SBF2: variants seen among roughly 807,000 people sequenced by gnomAD.
The protein encoded by SBF2 is SET binding factor 2.
Under a neutral mutation model 225.2 loss-of-function variants are expected in SBF2, and 112 were observed. The ratio of observed to expected loss-of-function variants is 0.50; its 90% CI spans 0.43 to 0.58. SBF2 has a LOEUF of 0.58. SBF2 is among the 20% of genes least tolerant of loss of function. The pLI is 0.00. For synonymous variants in SBF2, 763 were observed against 773.3 expected (o/e 0.99, Z 0.22); for missense variants, 1,996 against 2,206.2 (o/e 0.90, Z 1.91).
chr11:10,063,283 A>G lies in SBF2; in HGVS notation c.142-20302T>C, dbSNP rs148380215. Among the ~76,000 whole-genome samples the G allele has an allele frequency of 5.6e-3, 858 of 151,886 alleles. 3 individuals carry two copies. The highest frequency in any genetic ancestry group is 8.4e-3 in the Non-Finnish European group (568 of 67,952). ...ACAAACCCCCGACACATGTTTATCTATGTAACAAACCTTCACATGTACCCT... is the reference window on the plus strand; with the variant it reads ...ACAAACCCCCGACACATGTTTATCTGTGTAACAAACCTTCACATGTACCCT... On this transcript the variant is annotated intron_variant, in intron 2 of 39. Transcript: ENST00000256190.
chr11:9,906,906 C>T (rs536924947), intron 16 of SBF2, among the ~76,000 whole-genome samples: 7 of 152,254 alleles, frequency 4.6e-5, no homozygotes, highest in East Asian at 1.9e-4. Context: ...TCAATTACTT[C>T]GTACTTTTAA....
chr11:9,919,961 A>G (rs528112736), intron 16 of SBF2, among the ~76,000 whole-genome samples: 1 of 151,856 alleles, frequency 6.6e-6, no homozygotes, highest in African/African-American at 2.4e-5. Context: ...GGAACTCCTG[A>G]CCTCAGGTGA....
intron 17 of SBF2, among the ~76,000 whole-genome samples, chr11:9,868,616 A>G (rs1858448796): frequency 6.6e-6 from 1 of 152,230 alleles, no homozygotes; most frequent in African/African-American, 2.4e-5. Flanking sequence ...ATTAAGGTCA[A>G]ATAAGGTCTA....
chr11:10,292,538 G>T (rs899386991), intron 1 of SBF2, among the ~76,000 whole-genome samples: 1 of 152,004 alleles, frequency 6.6e-6, no homozygotes, highest in African/African-American at 2.4e-5. Context: ...AAATTAGCGG[G>T]CGTGTTGGCG....
chr11:9,811,664 CTT>C (rs2133902858), intron 30 of SBF2, among the ~76,000 whole-genome samples: 1 of 151,722 alleles, frequency 6.6e-6, no homozygotes, highest in East Asian at 1.9e-4. Flanking sequence ...CGGCATTTCT[CTT>C]TGGTTTAAGT....
At chr11:10,004,915 C>A (rs1948130151) in intron 6 of SBF2, among the ~76,000 whole-genome samples, 1 of 152,174 alleles carries the variant, frequency 6.6e-6, no homozygotes, top group Admixed American at 6.5e-5. Flanking sequence ...CCAGACCCAA[C>A]CAATGTACAT....
chr11:9,934,191 T>C (rs1211514424), intron 16 of SBF2, among the ~76,000 whole-genome samples: 2 of 152,150 alleles, frequency 1.3e-5, no homozygotes, highest in African/African-American at 2.4e-5. Flanking sequence ...TCTGCTCAAA[T>C]AAACTAGAAA....
At chr11:10,300,119 C>T (rs1181410685) in intron 1 of SBF2, among the ~76,000 whole-genome samples, 1 of 152,104 alleles carries the variant, frequency 6.6e-6, no homozygotes, top group Non-Finnish European at 1.5e-5. Flanking sequence ...ATATTAGATC[C>T]CCCTAGTCTT....
At chr11:9,789,398 A>C in intron 34 of SBF2, 56 bp from the exon 35 acceptor site, 7 of 1,299,010 alleles carry the variant, frequency 5.4e-6, no homozygotes, top group African/African-American at 1.5e-5. Context: ...CCCCAAGCTC[A>C]CTGTCAGGCA....
intron 2 of SBF2, among the ~76,000 whole-genome samples, chr11:10,193,527 G>C (rs1957260362): frequency 1.3e-5 from 2 of 151,778 alleles, no homozygotes; most frequent in Non-Finnish European, 2.9e-5. Context: ...GCTAATTTTT[G>C]TATTTTTAGT....
At chr11:9,934,898 G>A (rs1181069294) in intron 16 of SBF2, among the ~76,000 whole-genome samples, 1 of 152,188 alleles carries the variant, frequency 6.6e-6, no homozygotes, top group Non-Finnish European at 1.5e-5. Context: ...ACTGGCACAA[G>A]ACAAGGATGC....
intron 2 of SBF2, among the ~76,000 whole-genome samples, chr11:10,117,149 A>G (rs1236641229): frequency 6.6e-6 from 1 of 152,176 alleles, no homozygotes. Context: ...AAAACAAAAG[A>G]TATGTATCAG....
Position 10,028,554 on chromosome 11 carries a change from G to A in SBF2, c.517C>T (p.Leu173=). The A allele has an allele frequency of 6.2e-7, 1 of 1,603,274 alleles. No individual in the cohort carries two copies. ...CTATCTCCTGCACCCAAAGAAAACA[G>A]CTTCTGCAGAATGGGAGAAACACAA... is the stretch of plus-strand genomic sequence containing the variant. ...LVPAAGGSQK[L]FSLGAGDRQL... Residue 173 remains leucine (L), a synonymous_variant, in exon 6 of 40, where the codon CTG becomes TTG. Transcript: ENST00000256190.
intron 2 of SBF2, among the ~76,000 whole-genome samples, chr11:10,082,353 C>T (rs1386903243): frequency 6.6e-6 from 1 of 152,054 alleles, no homozygotes; most frequent in Non-Finnish European, 1.5e-5. Flanking sequence ...TTAATGTGGA[C>T]GGAAACTTCC....
At chr11:10,151,901 C>T (rs193116295) in intron 2 of SBF2, among the ~76,000 whole-genome samples, 75 of 152,350 alleles carry the variant, frequency 4.9e-4, no homozygotes, top group African/African-American at 1.7e-3. Context: ...CTATTACTGT[C>T]ATCTTCACTA....
chr11:10,016,998 G>T (rs1948677609), intron 6 of SBF2: 1 of 152,112 alleles, frequency 6.6e-6, no homozygotes, highest in Non-Finnish European at 1.5e-5. Context: ...TAACACGGGA[G>T]AAGAAAATAT....
intron 1 of SBF2, among the ~76,000 whole-genome samples, chr11:10,199,809 C>G (rs992275438): frequency 3.3e-5 from 5 of 149,768 alleles, no homozygotes; most frequent in African/African-American, 1.2e-4. Flanking sequence ...CTACTCAAGA[C>G]TCAACTGGAA....
intron 2 of SBF2, among the ~76,000 whole-genome samples, chr11:10,148,863 C>A (rs746812301): frequency 6.6e-6 from 1 of 152,126 alleles, no homozygotes; most frequent in Non-Finnish European, 1.5e-5. Context: ...TAATTTTGTT[C>A]TCCAGGAGAA....
At chr11:10,182,019 CAA>C (rs1956756698) in intron 2 of SBF2, among the ~76,000 whole-genome samples, 1 of 152,076 alleles carries the variant, frequency 6.6e-6, no homozygotes, top group African/African-American at 2.4e-5. Context: ...CTTATTAAAT[CAA>C]CAGATTTGCA....
Sources: gnomAD v4.1 joint callset for allele counts (sites outside exome capture counted in the v4.1 genomes callset) on GRCh38, gnomAD v4.1.1 for gene constraint, MANE v1.5 for transcripts, NCBI Gene and HGNC (gene_info 2026-07-23, HGNC 2026-07-21) for gene names.